The following TBC1D9 variants were observed in gnomAD, a reference collection of about 807,000 sequenced individuals.
TBC1D9 encodes the protein TBC1 domain family member 9.
In TBC1D9, 63 loss-of-function variants were observed where a neutral mutation model predicts 132.0. That is an observed-to-expected ratio of 0.48 (90% CI 0.39 to 0.59). The LOEUF is 0.59. Ranked by LOEUF, TBC1D9 falls within the 20% of genes least tolerant of loss-of-function variation. The pLI, the probability that TBC1D9 is intolerant of heterozygous loss-of-function variation, is 0.00. For synonymous variants in TBC1D9, 610 were observed against 609.9 expected (o/e 1.00, Z 0.00); for missense variants, 1,261 against 1,592.7 (o/e 0.79, Z 3.54).
intron 1 of TBC1D9, among the ~76,000 whole-genome samples, chr4:140,730,720 C>T (rs894267014): frequency 2.6e-5 from 4 of 151,834 alleles, no homozygotes; most frequent in South Asian, 2.1e-4. Flanking sequence ...AGCAAGACTC[C>T]GTCTCAAAAA....
chr4:140,665,792 T>A (rs1227643824), intron 9 of TBC1D9, among the ~76,000 whole-genome samples: 2 of 152,200 alleles, frequency 1.3e-5, no homozygotes, highest in Non-Finnish European at 1.5e-5. Context: ...TCCTCCCATC[T>A]CAGATTCTTG....
At chr4:140,635,259 C>T (rs1252127768) in intron 15 of TBC1D9, among the ~76,000 whole-genome samples, 1 of 152,020 alleles carries the variant, frequency 6.6e-6, no homozygotes, top group African/African-American at 2.4e-5. Context: ...GAGAGGATCG[C>T]CTGAGCCCAG....
At chr4:140,672,222 T>C (rs770296211) in intron 6 of TBC1D9, among the ~76,000 whole-genome samples, 104 of 149,372 alleles carry the variant, frequency 7.0e-4, no homozygotes, top group Admixed American at 1.6e-3. Flanking sequence ...ATATGACATA[T>C]AATATACATT....
At chr4:140,641,840 G>T in intron 13 of TBC1D9, 1 of 311,782 alleles carries the variant, frequency 3.2e-6, no homozygotes, top group Non-Finnish European at 6.1e-6. Context: ...GCGGCCATCC[G>T]CACGGGCCTC....
chr4:140,699,264 C>T (rs959317934), intron 2 of TBC1D9, among the ~76,000 whole-genome samples: 1 of 152,010 alleles, frequency 6.6e-6, no homozygotes, highest in African/African-American at 2.4e-5. Context: ...GAGAATTCTC[C>T]ATAAATTATG....
In TBC1D9 at chr4:140,679,116, C is replaced by A; in HGVS notation, c.677G>T (p.Arg226Leu). 6.2e-7 allele frequency: 1 copy of A among 1,613,888 alleles called. No homozygotes were observed. Among genetic ancestry groups the A allele is most frequent in the Non-Finnish European group, 8.5e-7 (1 of 1,179,834 alleles). Residue 226 changes from arginine to leucine, a missense_variant, in exon 5 of 21, where the codon CGG becomes CTG. Arg to Leu is a moderately radical substitution (Grantham distance 102, BLOSUM62 -2). This residue lies in a region of TBC1D9 where 550 missense variants were observed against 699.0 expected (regional missense o/e 0.79). Transcript: ENST00000442267. The stretch of plus-strand genomic sequence containing the variant: ...TACAGAGAAGAAATGCTCACTGGAC[C>A]GTGTGCTCACTTTGATCACATCAGG... The part of the protein sequence containing the change: ...LLPDVIKVST[R>L]SSEHFFSVFL...
In TBC1D9 at chr4:140,691,971, G is replaced by T. The variant is rs902976907; in HGVS notation, c.242-5509C>A. ...TGAGGATTAAGAACAAAGGTTTAAGGCTCCACTGATAGATATTTGGCAGAT... is the reference window on the plus strand; with the variant it reads ...TGAGGATTAAGAACAAAGGTTTAAGTCTCCACTGATAGATATTTGGCAGAT... On this transcript the variant is annotated intron_variant, in intron 2 of 20. Coordinates refer to ENST00000442267, the MANE Select transcript of TBC1D9 (RefSeq NM_015130.3). Among the ~76,000 whole-genome samples the T allele has an allele frequency of 1.7e-4, 26 of 152,234 alleles. 1 individual carries two copies. Among genetic ancestry groups the T allele is most frequent in the African/African-American group, 3.1e-4 (13 of 41,546 alleles).
intron 2 of TBC1D9, among the ~76,000 whole-genome samples, chr4:140,692,028 T>G (rs953469908): frequency 3.3e-4 from 50 of 152,284 alleles, no homozygotes; most frequent in African/African-American, 1.1e-3. Context: ...TCATAATAAA[T>G]TTTTTTCTTC....
chr4:140,673,306 T>G (rs1257198640), intron 6 of TBC1D9, among the ~76,000 whole-genome samples: 2 of 152,198 alleles, frequency 1.3e-5, no homozygotes, highest in East Asian at 3.8e-4. Flanking sequence ...GTTAAAAACC[T>G]CCAGTCAATA....
chr4:140,624,427 A>G, intron 18 of TBC1D9, 39 bp from the exon 19 acceptor site: 2 of 1,557,390 alleles, frequency 1.3e-6, no homozygotes, highest in Non-Finnish European at 1.8e-6. Context: ...GTAGAATGTT[A>G]TATAATATGA....
intron 1 of TBC1D9, among the ~76,000 whole-genome samples, chr4:140,726,012 A>G (rs1214306132): frequency 2.6e-5 from 4 of 152,194 alleles, no homozygotes; most frequent in East Asian, 1.9e-4. Context: ...TCATGCCTAT[A>G]ATCCCAGCAC....
chr4:140,691,683 A>G (rs1451459954), intron 2 of TBC1D9, among the ~76,000 whole-genome samples: 4 of 152,264 alleles, frequency 2.6e-5, no homozygotes, highest in Non-Finnish European at 5.9e-5. Context: ...GCTAAAAACT[A>G]GAACACTTGA....
chr4:140,651,689 T>G (rs1737189684), intron 13 of TBC1D9, among the ~76,000 whole-genome samples: 1 of 152,238 alleles, frequency 6.6e-6, no homozygotes, highest in South Asian at 2.1e-4. Flanking sequence ...GATACATTCT[T>G]TTACAGGTGA....
At chr4:140,730,442 G>A (rs1230441627) in intron 1 of TBC1D9, among the ~76,000 whole-genome samples, 1 of 152,168 alleles carries the variant, frequency 6.6e-6, no homozygotes, top group African/African-American at 2.4e-5. Context: ...ACAGGACATG[G>A]GCCGGGCATG....
At chr4:140,629,942 T>C (rs956208007) in intron 16 of TBC1D9, among the ~76,000 whole-genome samples, 2 of 152,216 alleles carry the variant, frequency 1.3e-5, no homozygotes, top group South Asian at 2.1e-4. Context: ...AACAATTCTA[T>C]AAAATGGGCA....
At chr4:140,714,110 G>A (rs1738292353) in intron 1 of TBC1D9, among the ~76,000 whole-genome samples, 1 of 152,182 alleles carries the variant, frequency 6.6e-6, no homozygotes. Context: ...TTTCACCAGG[G>A]ACTTTGATTA....
intron 1 of TBC1D9, among the ~76,000 whole-genome samples, chr4:140,738,089 C>T (rs1441020357): frequency 6.6e-6 from 1 of 152,134 alleles, no homozygotes; most frequent in Non-Finnish European, 1.5e-5. Context: ...CAAAGAAAAT[C>T]TTCATGACAT....
chr4:140,657,050 T>C (rs774138469), intron 13 of TBC1D9, 47 bp downstream of exon 13: 7 of 1,598,142 alleles, frequency 4.4e-6, no homozygotes, highest in Non-Finnish European at 5.1e-6. Flanking sequence ...GCAGTGGAAG[T>C]GTCGAATGCA....
chr4:140,671,009 C>T (rs1429065555), intron 6 of TBC1D9, 83 bp from the exon 7 acceptor site: 29 of 1,190,726 alleles, frequency 2.4e-5, no homozygotes, highest in East Asian at 9.4e-5. Flanking sequence ...AGGAGGAAGG[C>T]GGCACTTTCA....
Sources: allele counts gnomAD v4.1 joint callset (sites outside exome capture counted in the v4.1 genomes callset), GRCh38; gene constraint gnomAD v4.1.1; regional missense constraint gnomAD v4.1.1; transcripts MANE v1.5; gene names NCBI Gene and HGNC (gene_info 2026-07-23, HGNC 2026-07-21).